The following CD164 variants were observed in gnomAD, a reference collection of about 807,000 sequenced individuals.
CD164 encodes CD164 molecule, also known as sialomucin core protein 24.
A neutral mutation model predicts 24.6 loss-of-function variants in CD164; 11 were observed. The ratio of observed to expected loss-of-function variants is 0.45; its 90% CI spans 0.28 to 0.74. The LOEUF is 0.74. Among genes scored for constraint, CD164 ranks in the 30% least tolerant of loss-of-function variants. The pLI, the probability that CD164 is intolerant of heterozygous loss-of-function variation, is 0.13. For synonymous variants in CD164, 126 were observed against 100.3 expected (o/e 1.26, Z -1.53); for missense variants, 295 against 243.7 (o/e 1.21, Z -1.40).
At chr6:109,375,112 G>A (rs1771319322) in intron 4 of CD164, among the ~76,000 whole-genome samples, 1 of 152,126 alleles carries the variant, frequency 6.6e-6, no homozygotes, top group South Asian at 2.1e-4. Flanking sequence ...AAACTTTCCA[G>A]GTTGATGGGA....
chr6:109,379,848 C>T, intron 1 of CD164, 186 bp from the exon 2 acceptor site: 1 of 528,574 alleles, frequency 1.9e-6, no homozygotes, highest in Non-Finnish European at 3.3e-6. Flanking sequence ...TGTAAGTAAA[C>T]GCATTAGAAA....
At chr6:109,370,603 A>G in intron 4 of CD164, 136 bp from the exon 5 acceptor site, 2 of 653,506 alleles carry the variant, frequency 3.1e-6, no homozygotes, top group Non-Finnish European at 5.3e-6. Flanking sequence ...AATTTCAGTT[A>G]ATGGTTCACT....
chr6:109,379,230 G>A (rs1562243089), intron 2 of CD164, among the ~76,000 whole-genome samples: 1 of 152,188 alleles, frequency 6.6e-6, no homozygotes, highest in Non-Finnish European at 1.5e-5. Context: ...AAAAAAGCCA[G>A]GTGAGGAAGC....
intron 1 of CD164, chr6:109,381,614 A>G: frequency 1.4e-6 from 1 of 702,384 alleles, no homozygotes; most frequent in Non-Finnish European, 2.6e-6. Flanking sequence ...TACGTGCTCA[A>G]ACGTCAGCTA....
chr6:109,376,163 T>A, intron 3 of CD164, 51 bp from the exon 4 acceptor site: 1 of 1,313,154 alleles, frequency 7.6e-7, no homozygotes, highest in Non-Finnish European at 1.0e-6. Flanking sequence ...CTATTTAAAA[T>A]ATCACAATCT....
chr6:109,381,787 T>A (rs1442491501), intron 1 of CD164: 1 of 569,580 alleles, frequency 1.8e-6, no homozygotes, highest in East Asian at 3.0e-5. Context: ...GAACAACCAG[T>A]GGCAGGGAGA....
intron 2 of CD164, 54 bp downstream of exon 2, chr6:109,379,525 A>G: frequency 8.0e-7 from 1 of 1,247,586 alleles, no homozygotes. Context: ...TTCAAGAATT[A>G]CTGTATTTTA....
chr6:109,380,216 A>G (rs1012706535), intron 1 of CD164: 1 of 152,278 alleles, frequency 6.6e-6, no homozygotes, highest in Non-Finnish European at 1.5e-5. Context: ...ACAACTGGAG[A>G]CAACATCTAA....
At chr6:109,378,045 G>T in intron 2 of CD164, 74 bp from the exon 3 acceptor site, 3 of 1,270,366 alleles carry the variant, frequency 2.4e-6, no homozygotes, top group Non-Finnish European at 3.4e-6. Flanking sequence ...CTGCTACTAA[G>T]CTCTATGAAA....
intron 5 of CD164, among the ~76,000 whole-genome samples, chr6:109,370,107 TAA>T (rs1471652178): frequency 3.3e-5 from 5 of 152,200 alleles, no homozygotes; most frequent in African/African-American, 1.2e-4. Context: ...TCCCTAACGG[TAA>T]TCAGAAGTTA....
In CD164 at chr6:109,370,418, A is replaced by T; in HGVS notation, c.420T>A (p.Thr140=). ...CTAAAAAGCCTCAATTACCTGATGT[A>T]GTAACTGTCTTGGAAGTTGTAGAAG... is the stretch of plus-strand genomic sequence containing the variant. ...PSPSTTSKTV[T]TSGTTNNTVT... Residue 140 remains threonine, a synonymous_variant, in exon 5 of 6, where the codon ACT becomes ACA. Coordinates refer to ENST00000310786, the MANE Select transcript of CD164 (RefSeq NM_006016.6). 4 of 1,611,966 alleles carry T rather than the reference A, an allele frequency of 2.5e-6. No homozygotes were observed. The highest frequency in any genetic ancestry group is 2.5e-6 in the Non-Finnish European group (3 of 1,178,170).
At chr6:109,378,812 A>C (rs966767295) in intron 2 of CD164, among the ~76,000 whole-genome samples, 3 of 152,108 alleles carry the variant, frequency 2.0e-5, no homozygotes, top group Non-Finnish European at 4.4e-5. Flanking sequence ...GAGCTTTTTG[A>C]AATTTATGTA....
intron 3 of CD164, among the ~76,000 whole-genome samples, chr6:109,376,537 G>A (rs955910949): frequency 6.6e-6 from 1 of 152,152 alleles, no homozygotes; most frequent in African/African-American, 2.4e-5. Flanking sequence ...AAAACCTAAA[G>A]AAGCCTCAGT....
rs750858611 is a variant in CD164 at position 109,382,242 on chromosome 6, G to C, written c.137C>G (p.Pro46Arg). 7 of 1,584,268 alleles carry C rather than the reference G, an allele frequency of 4.4e-6. No individual in the cohort carries two copies. The South Asian group carries it at 8.0e-5, about 18-fold the overall frequency. ...GGTGACCAGCGGGAGGGACGTCACC[G>C]GCGCCGAGGTTACGTTGGAGATGGG... ...LAPISNVTSA[P>R]VTSLPLVTTP... The change falls in exon 1 of 6, where the codon CCG (proline) becomes CGG (arginine). Residue 46 changes from proline to arginine, a missense_variant. Coordinates refer to ENST00000310786, the MANE Select transcript of CD164 (RefSeq NM_006016.6).
rs368514410 is a variant in CD164, at chr6:109,369,029, G to C, written c.428-12C>G. 933 of 1,599,788 alleles carry C rather than the reference G, an allele frequency of 5.8e-4. 18 individuals carry two copies. The South Asian group carries it at 9.4e-3, about 16-fold the overall frequency. On this transcript the variant is annotated splice_polypyrimidine_tract_variant and intron_variant, in intron 5 of 5. Coordinates refer to ENST00000310786, the MANE Select transcript of CD164 (RefSeq NM_006016.6). ...GTTATTTGTTGTACCTGTTAGATAA[G>C]ACAAAAGAAACAACAATCCTAAGTT...
Position 109,379,566 on chromosome 6 carries a change from CAA to C in CD164, c.259+11_259+12del, listed in dbSNP as rs1400925731. The C allele has an allele frequency of 1.3e-6, 2 of 1,588,794 alleles. No homozygotes were observed. The highest frequency in any genetic ancestry group is 1.4e-5 in the African/African-American group (1 of 73,774). On this transcript the variant is annotated intron_variant, in intron 2 of 5. Coordinates refer to ENST00000310786, the MANE Select transcript of CD164 (RefSeq NM_006016.6). ...CTATAACAAAACAGTTTTGCATCCC[CAA>C]AGTTTCTTACCTTTACATTCTATCC...
At chr6:109,369,051 A>C (rs1213650386) in intron 5 of CD164, 34 bp from the exon 6 acceptor site, 1 of 1,577,982 alleles carries the variant, frequency 6.3e-7, no homozygotes. Flanking sequence ...AACAATCCTA[A>C]GTTTCATGGT....
At position 109,367,015 on chromosome 6, in the gene CD164, G is replaced by A; in HGVS notation, c.*1836C>T. The A allele has an allele frequency of 6.6e-6, 1 of 152,226 alleles. No individual in the cohort carries two copies. The highest frequency in any genetic ancestry group is 2.1e-4 in the South Asian group (1 of 4,824). The allele number at this position is 152,226 out of a possible 1,614,324, so 9.4% of individuals were successfully genotyped here. A position where few individuals can be genotyped will look rare whatever the true frequency, so the allele number is the denominator to read the frequency against. ...CAGTATAGCTAATTTTTGCCACCTT[G>A]GGAGGAATGGAATTCTGCCTATTTT... On this transcript the variant is annotated 3_prime_UTR_variant, in exon 6 of 6. Transcript: ENST00000310786.
intron 1 of CD164, chr6:109,381,503 C>T: frequency 4.3e-6 from 3 of 702,552 alleles, no homozygotes; most frequent in South Asian, 1.5e-5. Context: ...TCACTACCTA[C>T]CTTCCAGTTT....
Sources: allele counts gnomAD v4.1 joint callset (sites outside exome capture counted in the v4.1 genomes callset), GRCh38; gene constraint gnomAD v4.1.1; transcripts MANE v1.5; gene names NCBI Gene and HGNC (gene_info 2026-07-23, HGNC 2026-07-21).